Variants in RB1 observed in about 807,000 individuals in gnomAD.
RB1 encodes RB transcriptional corepressor 1.
Under a neutral mutation model 135.4 loss-of-function variants are expected in RB1, and 18 were observed. That is an observed-to-expected ratio of 0.13 (90% CI 0.09 to 0.20). The LOEUF is 0.20. RB1 is among the 10% of genes least tolerant of loss of function. The probability of loss-of-function intolerance (pLI) is 1.00; values close to 1 mark genes in which losing one functional copy is unlikely to be tolerated. For missense variants in RB1, 868 were observed against 1,110.0 expected (o/e 0.78, Z 3.10); for synonymous variants, 365 against 373.2 (o/e 0.98, Z 0.25).
At chr13:48,450,042 A>G (rs973369372) in intron 17 of RB1, among the ~76,000 whole-genome samples, 3 of 151,678 alleles carry the variant, frequency 2.0e-5, no homozygotes, top group African/African-American at 7.3e-5. Flanking sequence ...ATAGATTGCA[A>G]AAATTTTCTC....
chr13:48,452,631 C>T (rs1403668396), intron 17 of RB1, among the ~76,000 whole-genome samples: 2 of 151,994 alleles, frequency 1.3e-5, no homozygotes, highest in Admixed American at 1.3e-4. Context: ...CCATTTTTGG[C>T]TTTGTTGACC....
At chr13:48,308,625 A>T (rs1952106616) in intron 2 of RB1, among the ~76,000 whole-genome samples, 1 of 151,868 alleles carries the variant, frequency 6.6e-6, no homozygotes, top group African/African-American at 2.4e-5. Context: ...TGCACTCCAG[A>T]CTAGGCAACA....
At chr13:48,406,391 C>T (rs1183109957) in intron 17 of RB1, among the ~76,000 whole-genome samples, 1 of 152,002 alleles carries the variant, frequency 6.6e-6, no homozygotes, top group African/African-American at 2.4e-5. Context: ...AGAATTTCTC[C>T]CATTTTAATA....
intron 8 of RB1, among the ~76,000 whole-genome samples, chr13:48,363,720 T>C (rs899940948): frequency 2.0e-5 from 3 of 152,206 alleles, no homozygotes; most frequent in Non-Finnish European, 4.4e-5. Flanking sequence ...AGAATACATA[T>C]GAATTCCCAG....
chr13:48,461,084 CA>C (rs1949402011), intron 20 of RB1, among the ~76,000 whole-genome samples: 2 of 152,156 alleles, frequency 1.3e-5, no homozygotes, highest in African/African-American at 2.4e-5. Context: ...AGTATATTCA[CA>C]GTTATACAAA....
At chr13:48,441,758 A>T (rs1288830007) in intron 17 of RB1, among the ~76,000 whole-genome samples, 5 of 149,790 alleles carry the variant, frequency 3.3e-5, no homozygotes, top group African/African-American at 1.3e-4. Flanking sequence ...AATTATATAT[A>T]TGGGTAAAGG....
At chr13:48,347,091 G>C (rs1244668643) in intron 4 of RB1, among the ~76,000 whole-genome samples, 1 of 151,926 alleles carries the variant, frequency 6.6e-6, no homozygotes, top group East Asian at 1.9e-4. Context: ...CTGAGATAAG[G>C]AATCTGCTTG....
At chr13:48,334,766 G>A (rs147164615) in intron 2 of RB1, among the ~76,000 whole-genome samples, 24 of 152,252 alleles carry the variant, frequency 1.6e-4, no homozygotes, top group African/African-American at 4.6e-4. Flanking sequence ...TTAAAAAAGC[G>A]AGTATAAGTT....
At chr13:48,359,917 T>C in intron 6 of RB1, 100 bp from the exon 7 acceptor site, 1 of 1,512,880 alleles carries the variant, frequency 6.6e-7, no homozygotes, top group African/African-American at 1.4e-5. Context: ...ATAGTGATTG[T>C]TGAATGAATA....
intron 17 of RB1, among the ~76,000 whole-genome samples, chr13:48,430,688 C>T (rs1049630922): frequency 6.6e-6 from 1 of 152,004 alleles, no homozygotes. Context: ...TGCAGTGAGC[C>T]GAGATTGTGC....
intron 17 of RB1, among the ~76,000 whole-genome samples, chr13:48,409,202 A>T (rs1300147413): frequency 3.6e-5 from 5 of 139,998 alleles, no homozygotes; most frequent in African/African-American, 1.1e-4. Flanking sequence ...ATGCTGGAGT[A>T]CAGTGGTGTG....
chr13:48,317,886 C>T, intron 2 of RB1: 1 of 400,778 alleles, frequency 2.5e-6, no homozygotes, highest in Non-Finnish European at 4.8e-6. Flanking sequence ...TGAATGAGCC[C>T]CATTTCCCGA....
intron 19 of RB1, among the ~76,000 whole-genome samples, chr13:48,458,848 A>G (rs1407693245): frequency 6.6e-6 from 1 of 152,248 alleles, no homozygotes; most frequent in Non-Finnish European, 1.5e-5. Context: ...AATAAATTAC[A>G]TATTGCAGTC....
chr13:48,352,336 C>T (rs1317087943), intron 6 of RB1, among the ~76,000 whole-genome samples: 2 of 149,080 alleles, frequency 1.3e-5, no homozygotes, highest in Non-Finnish European at 3.0e-5. Flanking sequence ...GCTATTCAGG[C>T]TCTTTTTTGG....
chr13:48,349,061 A>G, intron 6 of RB1, 38 bp downstream of exon 6: 1 of 1,559,026 alleles, frequency 6.4e-7, no homozygotes. Context: ...AATATTTCAA[A>G]TGTAATAATT....
chr13:48,455,285 C>T (rs1949353210), intron 18 of RB1, among the ~76,000 whole-genome samples: 1 of 152,114 alleles, frequency 6.6e-6, no homozygotes, highest in Non-Finnish European at 1.5e-5. Context: ...CTGCTTTGTT[C>T]TTATTAAGTC....
At chr13:48,378,769 G>A (rs946856877) in intron 13 of RB1, among the ~76,000 whole-genome samples, 1 of 152,002 alleles carries the variant, frequency 6.6e-6, no homozygotes, top group Non-Finnish European at 1.5e-5. Context: ...AAAGATGTGA[G>A]TAATGTAATG....
At chr13:48,367,659 T>A in intron 10 of RB1, 56 bp downstream of exon 10, 1 of 1,563,666 alleles carries the variant, frequency 6.4e-7, no homozygotes, top group Non-Finnish European at 8.7e-7. Flanking sequence ...GATACTGATA[T>A]AGGTAGATTA....
intron 2 of RB1, among the ~76,000 whole-genome samples, chr13:48,311,702 T>C (rs1287176177): frequency 2.0e-5 from 3 of 152,192 alleles, no homozygotes; most frequent in African/African-American, 7.2e-5. Flanking sequence ...TTTATTAATG[T>C]ATTTTTTATT....
Sources: gnomAD v4.1 joint callset for allele counts (sites outside exome capture counted in the v4.1 genomes callset) on GRCh38, gnomAD v4.1.1 for gene constraint, MANE v1.5 for transcripts, NCBI Gene and HGNC (gene_info 2026-07-23, HGNC 2026-07-21) for gene names.